Variants in WARS1 observed in about 807,000 individuals in gnomAD.
The protein encoded by WARS1 is tryptophan--tRNA ligase, cytoplasmic.
In WARS1, 17 loss-of-function variants were observed where a neutral mutation model predicts 47.8. The observed-to-expected ratio is 0.36, with a 90% CI of 0.24 to 0.53. WARS1 has a LOEUF of 0.53. Among genes scored for constraint, WARS1 ranks in the 20% least tolerant of loss-of-function variants. The pLI, the probability that WARS1 is intolerant of heterozygous loss-of-function variation, is 0.91. For missense variants in WARS1, 434 were observed against 608.0 expected, an observed-to-expected ratio of 0.71 and a Z score of 3.01; for synonymous variants, 208 against 228.1, an observed-to-expected ratio of 0.91 and a Z score of 0.79.
intron 2 of WARS1, among the ~76,000 whole-genome samples, chr14:100,364,494 G>A (rs1462666613): frequency 6.6e-6 from 1 of 152,156 alleles, no homozygotes; most frequent in Non-Finnish European, 1.5e-5. Context: ...ACACTATTTT[G>A]CTAAAAGTTA....
At chr14:100,336,003 G>A (rs1458290969) in intron 10 of WARS1, among the ~76,000 whole-genome samples, 3 of 151,478 alleles carry the variant, frequency 2.0e-5, no homozygotes, top group Non-Finnish European at 2.9e-5. Flanking sequence ...TTGGCTGGAC[G>A]CGGTGGTCAC....
intron 1 of WARS1, among the ~76,000 whole-genome samples, chr14:100,372,822 G>A (rs530299314): frequency 2.0e-5 from 3 of 152,222 alleles, no homozygotes; most frequent in Admixed American, 2.0e-4. Context: ...TGATTCCCAA[G>A]CCCCCTTGCT....
At chr14:100,371,216 G>A (rs1344744949) in intron 1 of WARS1, among the ~76,000 whole-genome samples, 1 of 152,042 alleles carries the variant, frequency 6.6e-6, no homozygotes, top group Non-Finnish European at 1.5e-5. Flanking sequence ...GGGAGGCTGA[G>A]GTGGGTGGAT....
intron 9 of WARS1, 132 bp from the exon 10 acceptor site, chr14:100,337,334 G>A (rs531669277): frequency 2.7e-5 from 37 of 1,376,884 alleles, no homozygotes; most frequent in African/African-American, 2.1e-4. Flanking sequence ...AGGCCAAGGC[G>A]CACAGCCGGT....
intron 2 of WARS1, chr14:100,365,636 C>T (rs1895936389): frequency 5.6e-6 from 1 of 178,400 alleles, no homozygotes; most frequent in Admixed American, 6.1e-5. Context: ...AGTGGAGTCA[C>T]CCCAGAAGGA....
chr14:100,347,952 A>G (rs984137906), intron 6 of WARS1, among the ~76,000 whole-genome samples: 1 of 152,230 alleles, frequency 6.6e-6, no homozygotes, highest in Non-Finnish European at 1.5e-5. Flanking sequence ...TGTGTTAGAC[A>G]CTACGAGGGA....
In WARS1 at chr14:100,335,042, C is replaced by A. The variant is rs1398558955; in HGVS notation, c.1255-6G>T. 2 of 1,610,926 alleles carry A rather than the reference C, an allele frequency of 1.2e-6. No individual in the cohort carries two copies. The highest frequency in any genetic ancestry group is 1.7e-6 in the Non-Finnish European group (2 of 1,177,814). On this transcript the variant is annotated splice_polypyrimidine_tract_variant and splice_region_variant and intron_variant, in intron 10 of 10. Transcript: ENST00000392882. ...ATGGCTCCGCTGGTGTAATCCTGCCCGGAGGGAGACAGCCACGTGAGAGAT... is the reference window on the plus strand; with the variant it reads ...ATGGCTCCGCTGGTGTAATCCTGCCAGGAGGGAGACAGCCACGTGAGAGAT...
At chr14:100,367,338 C>T (rs776273696) in intron 2 of WARS1, among the ~76,000 whole-genome samples, 3 of 152,076 alleles carry the variant, frequency 2.0e-5, no homozygotes, top group Non-Finnish European at 2.9e-5. Context: ...GCCTGTAATC[C>T]CAGCACTTTC....
upstream of WARS1, chr14:100,375,449 T>C (rs1566874819): frequency 6.6e-6 from 1 of 152,232 alleles, no homozygotes; most frequent in Non-Finnish European, 1.5e-5. Flanking sequence ...CCACCCTGCA[T>C]TCAGCTAAGG....
chr14:100,345,042 G>T (rs1894483860), intron 7 of WARS1, among the ~76,000 whole-genome samples: 4 of 148,432 alleles, frequency 2.7e-5, no homozygotes, highest in Admixed American at 1.3e-4. Flanking sequence ...CGTCCGGGAG[G>T]GAGGTGGCGG....
chr14:100,356,840 T>C (rs1280262139), intron 4 of WARS1, among the ~76,000 whole-genome samples: 1 of 152,100 alleles, frequency 6.6e-6, no homozygotes, highest in Non-Finnish European at 1.5e-5. Flanking sequence ...AAAAGAAAAC[T>C]ACAGACCAAT....
chr14:100,365,126 C>T (rs1449098574), intron 2 of WARS1, among the ~76,000 whole-genome samples: 2 of 135,136 alleles, frequency 1.5e-5, no homozygotes, highest in Non-Finnish European at 3.2e-5. Flanking sequence ...TCAAAAAATA[C>T]ACACACACAC....
At chr14:100,352,319 C>T (rs1895048118) in intron 6 of WARS1, among the ~76,000 whole-genome samples, 1 of 151,944 alleles carries the variant, frequency 6.6e-6, no homozygotes, top group Non-Finnish European at 1.5e-5. Context: ...ACCATATTGG[C>T]CAGGCTGGTC....
At chr14:100,355,156 C>T (rs547699902) in intron 4 of WARS1, among the ~76,000 whole-genome samples, 4 of 152,234 alleles carry the variant, frequency 2.6e-5, no homozygotes, top group East Asian at 3.9e-4. Flanking sequence ...CAGCTGCCTG[C>T]GCCCCACCTC....
chr14:100,338,283 T>C (rs1893887820), intron 9 of WARS1, among the ~76,000 whole-genome samples: 1 of 152,098 alleles, frequency 6.6e-6, no homozygotes, highest in Non-Finnish European at 1.5e-5. Flanking sequence ...TTTTTTTTTT[T>C]AGATAGGATC....
At position 100,343,362 on chromosome 14, in the gene WARS1, C is replaced by T; in HGVS notation, c.852G>A (p.Gln284=). The change falls in exon 8 of 11, where the codon CAG becomes CAA. Residue 284 remains glutamine (Q), a synonymous_variant. Coordinates refer to ENST00000392882, the MANE Select transcript of WARS1 (RefSeq NM_004184.4). ...ATGAGTTGCTGAAGGAGGGAGCAGC[C>T]TGGATGGCAGGAAAACTGATCTTCC... The part of the protein sequence containing the change: ...CIGKISFPAI[Q]AAPSFSNSFP... 6.2e-7 allele frequency: 1 copy of T among 1,613,030 alleles called. No individual in the cohort carries two copies. The highest frequency in any genetic ancestry group is 8.5e-7 in the Non-Finnish European group (1 of 1,179,342).
intron 7 of WARS1, among the ~76,000 whole-genome samples, chr14:100,345,942 G>A (rs539064119): frequency 6.6e-6 from 1 of 152,372 alleles, no homozygotes; most frequent in East Asian, 1.9e-4. Flanking sequence ...ACACGCCGCT[G>A]TGGCTCTGGC....
rs11541753 is a variant in WARS1, at chr14:100,342,522, G to A, written c.989C>T (p.Pro330Leu). 1.8e-3 allele frequency: 2,885 copies of A among 1,613,558 alleles called. 49 individuals carry two copies. In the African/African-American group the frequency reaches 0.034, roughly 19 times the overall value. Residue 330 changes from proline to leucine, a missense_variant, in exon 9 of 11, where the codon CCT becomes CTT. By Grantham distance (98) the Pro-to-Leu change is moderately conservative (BLOSUM62 -3). Transcript: ENST00000392882. ...GGTGGAGTGCAGCAGGGCTGGTTTA[G>A]GATAGCCGATCCTGGGGGCGACGTC... is the stretch of plus-strand genomic sequence containing the variant. ...TRDVAPRIGY[P>L]KPALLHSTFF...
chr14:100,354,343 T>G (rs1895179029), intron 5 of WARS1, 104 bp downstream of exon 5: 1 of 1,490,632 alleles, frequency 6.7e-7, no homozygotes, highest in Non-Finnish European at 9.0e-7. Flanking sequence ...TCTTGGTTGC[T>G]CAGCAAATGA....
Sources: gnomAD v4.1 joint callset for allele counts (sites outside exome capture counted in the v4.1 genomes callset) on GRCh38, gnomAD v4.1.1 for gene constraint, MANE v1.5 for transcripts, NCBI Gene and HGNC (gene_info 2026-07-23, HGNC 2026-07-21) for gene names.